SYNPR: variants seen among roughly 807,000 people sequenced by gnomAD.
The protein encoded by SYNPR is synaptoporin.
In SYNPR, 23 loss-of-function variants were observed where a neutral mutation model predicts 32.9. The observed-to-expected ratio is 0.70, with a 90% confidence interval of 0.50 to 0.99. The LOEUF is 0.99. Among genes scored for constraint, SYNPR ranks in the 50% least tolerant of loss-of-function variants. The pLI is 0.00. For missense variants in SYNPR, 318 were observed against 349.3 expected, an observed-to-expected ratio of 0.91 and a Z score of 0.71; for synonymous variants, 146 against 135.9, an observed-to-expected ratio of 1.07 and a Z score of -0.52.
intron 2 of SYNPR, among the ~76,000 whole-genome samples, chr3:63,451,631 C>T (rs1201999418): frequency 6.6e-6 from 1 of 152,066 alleles, no homozygotes; most frequent in African/African-American, 2.4e-5. Context: ...TGGACCTTGC[C>T]CATCAGTTTC....
chr3:63,557,690 G>A lies in SYNPR; in HGVS notation c.408+949G>A, dbSNP rs75257955. Among the ~76,000 whole-genome samples, 1,013 of 152,292 alleles carry A rather than the reference G, an allele frequency of 6.7e-3. 32 individuals carry two copies. In the East Asian group the frequency reaches 0.085, roughly 13 times the overall value. ...TTTCGGTGACATGTTACTATGCGAT[G>A]TGGGACATATAACTCAAAAAGAAAG... On this transcript the variant is annotated intron_variant, in intron 4 of 5. Transcript: ENST00000478300.
intron 2 of SYNPR, among the ~76,000 whole-genome samples, chr3:63,304,045 A>C (rs1262833277): frequency 1.3e-5 from 2 of 152,128 alleles, no homozygotes; most frequent in Middle Eastern, 3.4e-3. Context: ...TTCTCCTATG[A>C]GTGCTTTTGG....
intron 2 of SYNPR, among the ~76,000 whole-genome samples, chr3:63,318,195 T>G (rs1233335118): frequency 6.6e-6 from 1 of 152,062 alleles, no homozygotes; most frequent in Non-Finnish European, 1.5e-5. Flanking sequence ...GATTCTTTCC[T>G]TCATCTTGAC....
intron 2 of SYNPR, among the ~76,000 whole-genome samples, chr3:63,359,834 T>C (rs1176593002): frequency 6.6e-6 from 1 of 152,196 alleles, no homozygotes; most frequent in East Asian, 1.9e-4. Context: ...CATTCATTAG[T>C]GTCTTTGGCT....
intron 3 of SYNPR, among the ~76,000 whole-genome samples, chr3:63,503,520 A>T (rs6790818): frequency 0.19 from 28,291 of 152,024 alleles, 2,755 homozygotes; most frequent in African/African-American, 0.22. Context: ...CAGTAGCAAA[A>T]TTCTTCTCAG....
chr3:63,474,618 T>G (rs753205945), intron 2 of SYNPR, among the ~76,000 whole-genome samples: 14 of 151,868 alleles, frequency 9.2e-5, no homozygotes, highest in Non-Finnish European at 1.6e-4. Flanking sequence ...GAATTGGCCA[T>G]GGTGGAAATA....
intron 2 of SYNPR, among the ~76,000 whole-genome samples, chr3:63,359,621 G>A (rs1436291062): frequency 6.6e-6 from 1 of 152,102 alleles, no homozygotes; most frequent in Non-Finnish European, 1.5e-5. Context: ...GTACTCCATG[G>A]CCCCAGACTT....
rs186784120 is a variant in SYNPR, at chr3:63,497,702, C to T, written c.209+16746C>T. On this transcript the variant is annotated intron_variant, in intron 3 of 5. Coordinates refer to ENST00000478300, the MANE Select transcript of SYNPR (RefSeq NM_001130003.2). ...GAATATTCTTTAAAGACTGATAAAGCTTAGTGTTTCCTTTATACAGATTTT... is the reference window on the plus strand; with the variant it reads ...GAATATTCTTTAAAGACTGATAAAGTTTAGTGTTTCCTTTATACAGATTTT... Among the ~76,000 whole-genome samples, 13 of 152,168 alleles carry T rather than the reference C, an allele frequency of 8.5e-5. No homozygotes were observed. In the East Asian group the frequency reaches 1.9e-3, roughly 23 times the overall value.
chr3:63,559,759 T>C (rs1485929863), intron 4 of SYNPR, among the ~76,000 whole-genome samples: 3 of 152,076 alleles, frequency 2.0e-5, no homozygotes, highest in Admixed American at 6.5e-5. Flanking sequence ...TTTCAAAATA[T>C]CTTTAACAGA....
chr3:63,337,288 G>T (rs1392365137), intron 2 of SYNPR, among the ~76,000 whole-genome samples: 2 of 146,590 alleles, frequency 1.4e-5, no homozygotes, highest in African/African-American at 2.5e-5. Flanking sequence ...TTATAGAACT[G>T]CAAATTAAAA....
At chr3:63,300,349 CTAT>C (rs2086831942) in intron 2 of SYNPR, among the ~76,000 whole-genome samples, 3 of 152,118 alleles carry the variant, frequency 2.0e-5, no homozygotes, top group Non-Finnish European at 4.4e-5. Flanking sequence ...ATCTATCTAT[CTAT>C]CTACCAATCA....
intron 2 of SYNPR, among the ~76,000 whole-genome samples, chr3:63,461,205 C>T (rs147443952): frequency 5.9e-5 from 9 of 152,068 alleles, no homozygotes; most frequent in African/African-American, 2.2e-4. Flanking sequence ...TCTCATAGTA[C>T]ATGATAAATG....
chr3:63,283,846 C>T (rs1357646916), intron 2 of SYNPR, among the ~76,000 whole-genome samples: 1 of 115,916 alleles, frequency 8.6e-6, no homozygotes, highest in African/African-American at 3.4e-5. Context: ...GAGACGGAGT[C>T]TCGCTAGGCT....
At position 63,547,811 on chromosome 3, in the gene SYNPR, C is replaced by G. The variant is rs562963123; in HGVS notation, c.210-8732C>G. Reference sequence around the variant, plus strand: ...CGGACTCCATTTCTCGGCCCTACTTCAAAAAGTCTCCTTGCTCCTAAAATT... The same window carrying G: ...CGGACTCCATTTCTCGGCCCTACTTGAAAAAGTCTCCTTGCTCCTAAAATT... On this transcript the variant is annotated intron_variant, in intron 3 of 5. Transcript: ENST00000478300. Among the ~76,000 whole-genome samples the G allele has an allele frequency of 2.6e-5, 4 of 152,240 alleles. No individual in the cohort carries two copies. The East Asian group carries it at 7.7e-4, about 29-fold the overall frequency.
At chr3:63,548,096 C>G (rs1018076537) in intron 3 of SYNPR, among the ~76,000 whole-genome samples, 4 of 152,184 alleles carry the variant, frequency 2.6e-5, no homozygotes, top group African/African-American at 9.6e-5. Context: ...ATAATCTGCA[C>G]TCTCATTCCC....
chr3:63,442,859 G>T (rs568562505), intron 2 of SYNPR, among the ~76,000 whole-genome samples: 10 of 152,188 alleles, frequency 6.6e-5, no homozygotes, highest in African/African-American at 2.4e-4. Flanking sequence ...TAAAATGAGG[G>T]CAATTTATTT....
intron 2 of SYNPR, among the ~76,000 whole-genome samples, chr3:63,349,437 T>C (rs2107015202): frequency 6.6e-6 from 1 of 152,324 alleles, no homozygotes; most frequent in East Asian, 1.9e-4. Context: ...TCAAGAGATG[T>C]TTTGCCATTT....
At chr3:63,521,094 G>A (rs1311606204) in intron 3 of SYNPR, among the ~76,000 whole-genome samples, 2 of 152,186 alleles carry the variant, frequency 1.3e-5, no homozygotes, top group African/African-American at 4.8e-5. Context: ...AACTTCCCCA[G>A]CTACTGCTGT....
At position 63,482,879 on chromosome 3, in the gene SYNPR, A is replaced by T. The variant is rs1701075007; in HGVS notation, c.209+1923A>T. On this transcript the variant is annotated intron_variant, in intron 3 of 5. Transcript: ENST00000478300. ...CAGTAATAAGCCAGGATTTATACAG[A>T]CTATTATGAAGACATTTGTTTCAGA... Among the ~76,000 whole-genome samples the T allele has an allele frequency of 2.0e-5, 3 of 152,230 alleles. No individual in the cohort carries two copies. The South Asian group carries it at 6.2e-4, about 31-fold the overall frequency.
Sources: gnomAD v4.1 joint callset for allele counts (sites outside exome capture counted in the v4.1 genomes callset) on GRCh38, gnomAD v4.1.1 for gene constraint, MANE v1.5 for transcripts, NCBI Gene and HGNC (gene_info 2026-07-23, HGNC 2026-07-21) for gene names.